The following DTNB variants were observed in gnomAD, a reference collection of about 807,000 sequenced individuals.
The protein encoded by DTNB is DTN-B.
In DTNB, 63 loss-of-function variants were observed where a neutral mutation model predicts 90.7. The ratio of observed to expected loss-of-function variants is 0.69; its 90% CI spans 0.57 to 0.86. The LOEUF (loss-of-function observed/expected upper bound fraction) is 0.86, where lower values mean the gene tolerates loss of function less well. Among genes scored for constraint, DTNB ranks in the 40% least tolerant of loss-of-function variants. DTNB has a pLI of 0.00. For missense variants in DTNB, 744 were observed against 807.1 expected, an observed-to-expected ratio of 0.92 and a Z score of 0.95; for synonymous variants, 277 against 286.7, an observed-to-expected ratio of 0.97 and a Z score of 0.34.
At chr2:25,455,846 C>A (rs1422680490) in intron 10 of DTNB, among the ~76,000 whole-genome samples, 1 of 152,242 alleles carries the variant, frequency 6.6e-6, no homozygotes, top group East Asian at 1.9e-4. Flanking sequence ...TCTGGCAAGA[C>A]AACTGAGGCA....
At chr2:25,548,957 C>G (rs745761945) in intron 8 of DTNB, among the ~76,000 whole-genome samples, 1 of 152,210 alleles carries the variant, frequency 6.6e-6, no homozygotes, top group Non-Finnish European at 1.5e-5. Context: ...CAGGCTTGTG[C>G]TGACACCAAT....
chr2:25,562,776 T>C (rs1256319041), intron 8 of DTNB, among the ~76,000 whole-genome samples: 1 of 152,152 alleles, frequency 6.6e-6, no homozygotes, highest in African/African-American at 2.4e-5. Flanking sequence ...CAATTTACTT[T>C]TTTTTCTTTT....
intron 6 of DTNB, among the ~76,000 whole-genome samples, chr2:25,586,860 C>T (rs144310877): frequency 4.6e-5 from 7 of 152,174 alleles, no homozygotes; most frequent in African/African-American, 1.7e-4. Flanking sequence ...TCACTCAAAA[C>T]AGGTTACTCA....
intron 16 of DTNB, among the ~76,000 whole-genome samples, chr2:25,390,107 C>T (rs970835355): frequency 1.3e-5 from 2 of 152,138 alleles, no homozygotes; most frequent in Non-Finnish European, 2.9e-5. Flanking sequence ...AACTTTTAAC[C>T]TATATGTGCA....
intron 10 of DTNB, among the ~76,000 whole-genome samples, chr2:25,466,186 A>G (rs2061743998): frequency 1.3e-5 from 2 of 152,110 alleles, no homozygotes; most frequent in Admixed American, 6.6e-5. Context: ...AAATACAAAA[A>G]TTAGCTGGGC....
At chr2:25,582,594 T>C (rs192946330) in intron 6 of DTNB, among the ~76,000 whole-genome samples, 117 of 152,232 alleles carry the variant, frequency 7.7e-4, no homozygotes, top group African/African-American at 2.6e-3. Context: ...AATTGGACAG[T>C]TCCTCAATTT....
In DTNB at chr2:25,487,544, G is replaced by C. The variant is rs144052232; in HGVS notation, c.1002-4671C>G. Among the ~76,000 whole-genome samples, 282 of 152,270 alleles carry C rather than the reference G, an allele frequency of 1.9e-3. 4 individuals carry two copies. The highest frequency in any genetic ancestry group is 0.013 in the East Asian group (69 of 5,178). On this transcript the variant is annotated intron_variant, in intron 9 of 20. Coordinates refer to ENST00000406818, the MANE Select transcript of DTNB (RefSeq NM_021907.5). ...TGGAACCAACCCCCAGGGATACTGAGAGACAACTGACAGACCAAGTGCTGA... is the reference window on the plus strand; with the variant it reads ...TGGAACCAACCCCCAGGGATACTGACAGACAACTGACAGACCAAGTGCTGA...
At chr2:25,511,284 T>G (rs942297916) in intron 9 of DTNB, among the ~76,000 whole-genome samples, 4 of 152,256 alleles carry the variant, frequency 2.6e-5, no homozygotes, top group Admixed American at 2.6e-4. Context: ...GCATAGATTA[T>G]GTCAATATAA....
At chr2:25,609,102 G>A (rs1423930612) in intron 4 of DTNB, among the ~76,000 whole-genome samples, 5 of 152,200 alleles carry the variant, frequency 3.3e-5, no homozygotes, top group Admixed American at 3.3e-4. Context: ...TTTGCACTAT[G>A]TTCCTAGCAG....
chr2:25,574,079 C>T (rs1361346524), intron 8 of DTNB, among the ~76,000 whole-genome samples: 4 of 152,190 alleles, frequency 2.6e-5, no homozygotes, highest in Admixed American at 6.5e-5. Context: ...TCGCATTCCA[C>T]TGGCAAGAAC....
At chr2:25,586,378 T>C (rs921320936) in intron 6 of DTNB, among the ~76,000 whole-genome samples, 4 of 151,524 alleles carry the variant, frequency 2.6e-5, no homozygotes, top group African/African-American at 9.7e-5. Flanking sequence ...GGTGCGGTGG[T>C]GGGCACCTGT....
rs1231532408 is a variant in DTNB at position 25,508,503 on chromosome 2, G to T, written c.1001+22970C>A. Among the ~76,000 whole-genome samples the T allele has an allele frequency of 1.7e-3, 210 of 124,222 alleles. 1 individual carries two copies. Among genetic ancestry groups the T allele is most frequent in the African/African-American group, 4.2e-3 (135 of 31,856 alleles). The allele number at this position is 124,222 out of a possible 152,430, so 81.5% of individuals were successfully genotyped here. A position where few individuals can be genotyped will look rare whatever the true frequency, so the allele number is the denominator to read the frequency against. On this transcript the variant is annotated intron_variant, in intron 9 of 20. Coordinates refer to ENST00000406818, the MANE Select transcript of DTNB (RefSeq NM_021907.5). ...GGCTTTTAACATTTCTTTTTTGTTT[G>T]TTTTTTTTTTTTTGAGATGGAGTTT...
At chr2:25,549,028 G>A (rs1196693571) in intron 8 of DTNB, among the ~76,000 whole-genome samples, 2 of 152,100 alleles carry the variant, frequency 1.3e-5, no homozygotes, top group Admixed American at 6.6e-5. Context: ...AATGTTGCCT[G>A]CTTTGAGTTG....
chr2:25,489,130 C>T (rs1357405215), intron 9 of DTNB, among the ~76,000 whole-genome samples: 2 of 152,162 alleles, frequency 1.3e-5, no homozygotes, highest in African/African-American at 4.8e-5. Flanking sequence ...AGTTCCCTTG[C>T]GGCCAGACCA....
intron 6 of DTNB, among the ~76,000 whole-genome samples, chr2:25,592,306 A>G (rs1171491751): frequency 6.6e-6 from 1 of 151,940 alleles, no homozygotes; most frequent in African/African-American, 2.4e-5. Context: ...AAGTCTTAAA[A>G]CCTAGGATTA....
intron 14 of DTNB, among the ~76,000 whole-genome samples, chr2:25,429,084 CCT>C (rs2052947541): frequency 6.6e-6 from 1 of 152,146 alleles, no homozygotes; most frequent in Non-Finnish European, 1.5e-5. Context: ...CTACCGAGCC[CCT>C]GAAACAGGGC....
At chr2:25,570,835 G>C (rs1559071705) in intron 8 of DTNB, among the ~76,000 whole-genome samples, 1 of 152,104 alleles carries the variant, frequency 6.6e-6, no homozygotes, top group South Asian at 2.1e-4. Flanking sequence ...GGTGTAAGTG[G>C]TATCACCCAG....
chr2:25,567,446 A>G (rs569634134), intron 8 of DTNB, among the ~76,000 whole-genome samples: 1 of 152,356 alleles, frequency 6.6e-6, no homozygotes, highest in East Asian at 1.9e-4. Context: ...TAATGCCCAA[A>G]CAACTATGCT....
chr2:25,616,528 T>C (rs998782392), intron 4 of DTNB, among the ~76,000 whole-genome samples: 8 of 151,750 alleles, frequency 5.3e-5, no homozygotes, highest in South Asian at 4.2e-4. Flanking sequence ...ACTAAAACAC[T>C]TGTATTTTTC....
Sources: gnomAD v4.1 joint callset for allele counts (sites outside exome capture counted in the v4.1 genomes callset) on GRCh38, gnomAD v4.1.1 for gene constraint, MANE v1.5 for transcripts, NCBI Gene and HGNC (gene_info 2026-07-23, HGNC 2026-07-21) for gene names.